The following NTRK1 variants were observed in gnomAD, a reference collection of about 807,000 sequenced individuals.
The protein encoded by NTRK1 is high affinity nerve growth factor receptor.
NTRK1 carries 62 observed loss-of-function variants against 86.8 expected under a neutral mutation model. The observed-to-expected ratio is 0.71, with a 90% confidence interval of 0.58 to 0.88. The LOEUF (loss-of-function observed/expected upper bound fraction) is 0.88. NTRK1 is among the 40% of genes least tolerant of loss of function. The probability of loss-of-function intolerance (pLI) is 0.00; values close to 1 mark genes in which losing one functional copy is unlikely to be tolerated. For synonymous variants in NTRK1, 469 were observed against 456.6 expected (o/e 1.03, Z -0.35); for missense variants, 967 against 1,078.4 (o/e 0.90, Z 1.45).
At chr1:156,853,828 A>G (rs1026494800) in intron 2 of NTRK1, 2 of 1,613,620 alleles carry the variant, frequency 1.2e-6, no homozygotes, top group Non-Finnish European at 1.7e-6. Context: ...AGGGCTCACC[A>G]GCAGCACCCA....
upstream of NTRK1, among the ~76,000 whole-genome samples, chr1:156,857,157 C>CTGTG (rs1327364524): frequency 1.5e-3 from 180 of 121,388 alleles, 2 homozygotes; most frequent in African/African-American, 3.6e-3. Context: ...TGCCCAGCAG[C>CTGTG]TGTGTATGTG....
chr1:156,816,694 CA>C lies in NTRK1; in HGVS notation c.-64+857del, dbSNP rs771412217. On this transcript the variant is annotated intron_variant, in intron 1 of 16. Transcript: ENST00000392302. ...ACTTACCTTGGGGACATATCTGGGC[CA>C]GGGGGAACTCCATGAGGGCAGCCTC... 30 of 1,600,740 alleles carry C rather than the reference CA, an allele frequency of 1.9e-5. No homozygotes were observed. The African/African-American group carries it at 3.7e-4, about 19-fold the overall frequency.
Position 156,874,939 on chromosome 1 carries a change from T to C in NTRK1, c.1285T>C (p.Cys429Arg), listed in dbSNP as rs751161872. 6.2e-7 allele frequency: 1 copy of C among 1,613,928 alleles called. No homozygotes were observed. Among genetic ancestry groups the C allele is most frequent in the Non-Finnish European group, 8.5e-7 (1 of 1,179,954 alleles). ...SVAVGLAVFA[C>R]LFLSTLLLVL... ...GGCTGTGGGCCTGGCCGTCTTTGCCTGCCTCTTCCTTTCTACGCTGCTCCT... is the reference window on the plus strand; with the variant it reads ...GGCTGTGGGCCTGGCCGTCTTTGCCCGCCTCTTCCTTTCTACGCTGCTCCT... The change falls in exon 11 of 17, where the codon TGC (cysteine) becomes CGC (arginine). Residue 429 changes from cysteine (C) to arginine (R), a missense_variant. By Grantham distance (180) the Cys-to-Arg change is radical. Transcript: ENST00000524377.
At chr1:156,820,517 G>A (rs908479155) in intron 1 of NTRK1, among the ~76,000 whole-genome samples, 1 of 152,232 alleles carries the variant, frequency 6.6e-6, no homozygotes, top group Non-Finnish European at 1.5e-5. Flanking sequence ...AAAGTGCTGA[G>A]ATTACAGGCG....
chr1:156,879,409 G>T (rs2102925578), intron 15 of NTRK1, 47 bp downstream of exon 15: 1 of 1,569,614 alleles, frequency 6.4e-7, no homozygotes, highest in South Asian at 1.2e-5. Flanking sequence ...CCAAACTGTA[G>T]ACACCCTGGA....
intron 1 of NTRK1, among the ~76,000 whole-genome samples, chr1:156,827,028 T>C (rs1259643318): frequency 1.3e-5 from 2 of 152,026 alleles, no homozygotes; most frequent in Admixed American, 1.3e-4. Context: ...CAGCTCCTTG[T>C]TTTGGAGCTC....
intron 1 of NTRK1, among the ~76,000 whole-genome samples, chr1:156,861,402 T>A (rs1655647109): frequency 6.6e-6 from 1 of 152,100 alleles, no homozygotes; most frequent in Non-Finnish European, 1.5e-5. Context: ...AAGGGGGAAA[T>A]CTCCGTGGAC....
intron 2 of NTRK1, among the ~76,000 whole-genome samples, chr1:156,850,791 A>G (rs1163558544): frequency 6.7e-6 from 1 of 150,208 alleles, no homozygotes; most frequent in African/African-American, 2.5e-5. Context: ...TCCTGACCTC[A>G]AGTGATCCAC....
intron 8 of NTRK1, 132 bp downstream of exon 8, chr1:156,874,091 G>A (rs1647744459): frequency 9.9e-7 from 1 of 1,006,600 alleles, no homozygotes; most frequent in Non-Finnish European, 1.5e-6. Context: ...GAGTCCTGGT[G>A]TCCCGCTGTT....
chr1:156,867,600 C>T (rs752488407), intron 4 of NTRK1, among the ~76,000 whole-genome samples: 17 of 146,150 alleles, frequency 1.2e-4, no homozygotes, highest in South Asian at 6.6e-4. Context: ...CCCAAAGTGC[C>T]GGGATAACAG....
chr1:156,875,472 G>A (rs369951465), intron 11 of NTRK1, 48 bp from the exon 12 acceptor site: 2 of 1,612,134 alleles, frequency 1.2e-6, no homozygotes, highest in Non-Finnish European at 1.7e-6. Context: ...GGGTGGGCAG[G>A]GCCAAGGTGT....
chr1:156,871,785 C>A, intron 7 of NTRK1, 30 bp downstream of exon 7: 4 of 1,613,778 alleles, frequency 2.5e-6, no homozygotes, highest in Non-Finnish European at 3.4e-6. Flanking sequence ...CCGGCACCCA[C>A]CCCCTACTCA....
Position 156,852,217 on chromosome 1 carries a change from G to A in NTRK1, c.50+10024G>A, listed in dbSNP as rs764821474. 5.8e-6 allele frequency: 9 copies of A among 1,555,822 alleles called. No homozygotes were observed. In the Admixed American group the frequency reaches 7.1e-5, roughly 12 times the overall value. On this transcript the variant is annotated intron_variant, in intron 2 of 16. Transcript: ENST00000392302. ...CTGTGGGGAGAGTGGTGTGTTAGAC[G>A]TTGGCCATGCCCCCTCAGTCCTGGC... is the stretch of plus-strand genomic sequence containing the variant.
intron 1 of NTRK1, among the ~76,000 whole-genome samples, chr1:156,832,607 G>A (rs1654492974): frequency 6.6e-6 from 1 of 152,298 alleles, no homozygotes; most frequent in Non-Finnish European, 1.5e-5. Flanking sequence ...TGCAGGCTTA[G>A]AGCTGCAAAG....
intron 1 of NTRK1, chr1:156,816,832 C>T: frequency 1.1e-6 from 1 of 886,136 alleles, no homozygotes; most frequent in Non-Finnish European, 1.6e-6. Context: ...TGTCGCCTTA[C>T]CCACAGCCTT....
intron 3 of NTRK1, 132 bp from the exon 4 acceptor site, chr1:156,866,778 G>A: frequency 1.1e-6 from 1 of 932,112 alleles, no homozygotes; most frequent in Non-Finnish European, 1.8e-6. Flanking sequence ...TCCAGGGCTG[G>A]TTCTGGTTGC....
chr1:156,858,599 G>A, upstream of NTRK1: 4 of 1,614,058 alleles, frequency 2.5e-6, no homozygotes, highest in South Asian at 4.4e-5. Flanking sequence ...TGCTCCCCAG[G>A]GCCACAGACT....
intron 1 of NTRK1, among the ~76,000 whole-genome samples, chr1:156,826,426 G>T (rs1294658727): frequency 6.6e-6 from 1 of 151,408 alleles, no homozygotes; most frequent in Admixed American, 6.6e-5. Context: ...TCAGCCTCCC[G>T]AGTAGCTGGG....
chr1:156,857,531 A>T (rs1234714875), upstream of NTRK1, among the ~76,000 whole-genome samples: 1 of 152,140 alleles, frequency 6.6e-6, no homozygotes, highest in African/African-American at 2.4e-5. Context: ...CTGTCCTGAC[A>T]ACCACACTCC....
Sources: gnomAD v4.1 joint callset for allele counts (sites outside exome capture counted in the v4.1 genomes callset) on GRCh38, gnomAD v4.1.1 for gene constraint, MANE v1.5 for transcripts, NCBI Gene and HGNC (gene_info 2026-07-23, HGNC 2026-07-21) for gene names.